NKAIN3: variants seen among roughly 807,000 people sequenced by gnomAD.
NKAIN3 encodes the protein sodium/potassium transporting ATPase interacting 3.
Under a neutral mutation model 30.2 loss-of-function variants are expected in NKAIN3, and 25 were observed. The ratio of observed to expected loss-of-function variants is 0.83; its 90% CI spans 0.60 to 1.16. The LOEUF (loss-of-function observed/expected upper bound fraction) is 1.16. NKAIN3 is among the 50% of genes most tolerant of loss of function. The probability of loss-of-function intolerance (pLI) is 0.00; values close to 1 mark genes in which losing one functional copy is unlikely to be tolerated. For missense variants in NKAIN3, 225 were observed against 254.1 expected (o/e 0.89, Z 0.78); for synonymous variants, 91 against 89.6 (o/e 1.02, Z -0.09).
chr8:62,851,886 A>G (rs1819911831), intron 4 of NKAIN3, among the ~76,000 whole-genome samples: 1 of 152,168 alleles, frequency 6.6e-6, no homozygotes, highest in Non-Finnish European at 1.5e-5. Flanking sequence ...TTTTGCAGCA[A>G]TGTTCATCAG....
chr8:62,472,336 C>G (rs1806379462), intron 1 of NKAIN3, among the ~76,000 whole-genome samples: 1 of 152,148 alleles, frequency 6.6e-6, no homozygotes, highest in African/African-American at 2.4e-5. Flanking sequence ...GCTGTGCAGG[C>G]AGTCCATGCA....
intron 4 of NKAIN3, among the ~76,000 whole-genome samples, chr8:62,798,613 G>C (rs1817949676): frequency 6.6e-6 from 1 of 151,872 alleles, no homozygotes; most frequent in Non-Finnish European, 1.5e-5. Flanking sequence ...AATAAAAGTA[G>C]AATTATGCCT....
chr8:62,368,591 G>A (rs780599377), intron 1 of NKAIN3, among the ~76,000 whole-genome samples: 15 of 152,110 alleles, frequency 9.9e-5, no homozygotes, highest in African/African-American at 2.2e-4. Flanking sequence ...GGGCTTCTCC[G>A]GAACAAATGC....
At chr8:62,956,196 A>G (rs781158911) in intron 6 of NKAIN3, among the ~76,000 whole-genome samples, 1 of 152,204 alleles carries the variant, frequency 6.6e-6, no homozygotes, top group Non-Finnish European at 1.5e-5. Context: ...ATTGAATCCA[A>G]TGATGCCATA....
intron 1 of NKAIN3, among the ~76,000 whole-genome samples, chr8:62,495,708 A>T (rs1807217405): frequency 6.6e-6 from 1 of 152,116 alleles, no homozygotes; most frequent in South Asian, 2.1e-4. Flanking sequence ...TTACTGACTT[A>T]TCTCAGTCTG....
chr8:62,741,425 AGGCAAGC>A (rs1563540851), intron 3 of NKAIN3, among the ~76,000 whole-genome samples: 73 of 127,170 alleles, frequency 5.7e-4, no homozygotes, highest in African/African-American at 2.2e-3. Context: ...GAAGGAAGGC[AGGCAAGC>A]AAGCAAGCAC....
At chr8:62,585,709 G>A (rs1339286157) in intron 2 of NKAIN3, among the ~76,000 whole-genome samples, 2 of 152,120 alleles carry the variant, frequency 1.3e-5, no homozygotes, top group African/African-American at 2.4e-5. Context: ...ACTGGTCTGT[G>A]GCCTGGAGAT....
At chr8:62,347,593 A>G (rs1311858538) in intron 1 of NKAIN3, among the ~76,000 whole-genome samples, 5 of 150,892 alleles carry the variant, frequency 3.3e-5, no homozygotes, top group Admixed American at 1.3e-4. Context: ...AGGAAAACAC[A>G]TAAAATATCA....
chr8:62,648,685 C>T (rs975490147), intron 3 of NKAIN3, among the ~76,000 whole-genome samples: 2 of 152,158 alleles, frequency 1.3e-5, no homozygotes, highest in African/African-American at 4.8e-5. Context: ...GTTTGTCTTC[C>T]AGCCTCTTCC....
chr8:62,846,914 C>A (rs1203740594), intron 4 of NKAIN3, among the ~76,000 whole-genome samples: 3 of 152,078 alleles, frequency 2.0e-5, no homozygotes, highest in African/African-American at 7.2e-5. Context: ...AGAGCTTGTG[C>A]AGGGTAACTC....
intron 3 of NKAIN3, among the ~76,000 whole-genome samples, chr8:62,615,846 A>T (rs894099535): frequency 1.1e-4 from 17 of 152,136 alleles, no homozygotes; most frequent in Non-Finnish European, 2.4e-4. Context: ...TGCCAGGGAT[A>T]GGGAAAGGGT....
chr8:62,462,718 A>G (rs1806035321), intron 1 of NKAIN3, among the ~76,000 whole-genome samples: 1 of 152,152 alleles, frequency 6.6e-6, no homozygotes, highest in African/African-American at 2.4e-5. Context: ...AAGAAAAAGG[A>G]TCATTGGCAA....
At chr8:62,258,141 G>A (rs2129388575) in intron 1 of NKAIN3, among the ~76,000 whole-genome samples, 1 of 151,982 alleles carries the variant, frequency 6.6e-6, no homozygotes, top group South Asian at 2.1e-4. Flanking sequence ...ATATAAGAAA[G>A]GAATTTCAAA....
intron 1 of NKAIN3, among the ~76,000 whole-genome samples, chr8:62,262,722 C>T (rs149137014): frequency 7.1e-4 from 108 of 152,154 alleles, no homozygotes; most frequent in Admixed American, 1.9e-3. Flanking sequence ...GTGCTCTTCC[C>T]GCACGTGGTT....
At chr8:62,270,281 C>T (rs1812740453) in intron 1 of NKAIN3, among the ~76,000 whole-genome samples, 1 of 152,012 alleles carries the variant, frequency 6.6e-6, no homozygotes, top group African/African-American at 2.4e-5. Flanking sequence ...AGGGTCTTGC[C>T]ATGTTGCCCA....
At chr8:62,799,696 T>G (rs188235862) in intron 4 of NKAIN3, among the ~76,000 whole-genome samples, 16 of 152,304 alleles carry the variant, frequency 1.1e-4, no homozygotes, top group African/African-American at 3.8e-4. Context: ...CACTACTACT[T>G]ATCTACCCAG....
chr8:62,303,492 T>TA (rs1205684361), intron 1 of NKAIN3, among the ~76,000 whole-genome samples: 1 of 150,686 alleles, frequency 6.6e-6, no homozygotes, highest in Non-Finnish European at 1.5e-5. Context: ...TGTCTTAAAA[T>TA]GAAGACTCCT....
At chr8:62,605,305 A>G (rs1230016763) in intron 3 of NKAIN3, among the ~76,000 whole-genome samples, 5 of 152,080 alleles carry the variant, frequency 3.3e-5, no homozygotes, top group African/African-American at 4.8e-5. Context: ...AATGAGCCTA[A>G]TAACTCAACG....
intron 4 of NKAIN3, 70 bp downstream of exon 4, chr8:62,747,199 C>A: frequency 1.0e-6 from 1 of 957,904 alleles, no homozygotes; most frequent in Non-Finnish European, 1.6e-6. Flanking sequence ...TCCACATCTA[C>A]CTGATAGAAA....
Sources: allele counts gnomAD v4.1 joint callset (sites outside exome capture counted in the v4.1 genomes callset), GRCh38; gene constraint gnomAD v4.1.1; transcripts MANE v1.5; gene names NCBI Gene and HGNC (gene_info 2026-07-23, HGNC 2026-07-21).